POLI: variants seen among roughly 807,000 people sequenced by gnomAD.
POLI encodes RAD30 homolog B.
A neutral mutation model predicts 51.6 loss-of-function variants in POLI; 58 were observed. The ratio of observed to expected loss-of-function variants is 1.12; its 90% CI spans 0.91 to 1.40. The LOEUF is 1.40. Ranked by LOEUF, POLI falls within the 40% of genes most tolerant of loss-of-function variation. POLI has a pLI of 0.00. For synonymous variants in POLI, 322 were observed against 299.7 expected, an observed-to-expected ratio of 1.07 and a Z score of -0.77; for missense variants, 921 against 871.3, an observed-to-expected ratio of 1.06 and a Z score of -0.72.
At chr18:54,311,911 CA>C (rs1218810721) in intron 3 of POLI, among the ~76,000 whole-genome samples, 4 of 152,320 alleles carry the variant, frequency 2.6e-5, no homozygotes, top group African/African-American at 7.2e-5. Flanking sequence ...TAGGGCATCA[CA>C]TTTAGATTTA....
chr18:54,275,666 A>C (rs2087208945), intron 3 of POLI, among the ~76,000 whole-genome samples: 2 of 152,198 alleles, frequency 1.3e-5, no homozygotes, highest in South Asian at 4.1e-4. Flanking sequence ...TTTGATTTGC[A>C]GTTTTCCATG....
Position 54,295,184 on chromosome 18 carries a change from G to T in POLI, c.*717G>T. On this transcript the variant is annotated 3_prime_UTR_variant, in exon 10 of 10. Coordinates refer to ENST00000579534, the MANE Select transcript of POLI (RefSeq NM_007195.3). ...TAAGGGAAAGATGGACACCAGAAAGGCAAGGTGATGGGCCTATAAGCATAC... is the reference window on the plus strand; with the variant it reads ...TAAGGGAAAGATGGACACCAGAAAGTCAAGGTGATGGGCCTATAAGCATAC... 1.0e-6 allele frequency: 1 copy of T among 985,388 alleles called. No homozygotes were observed. Among genetic ancestry groups the T allele is most frequent in the Non-Finnish European group, 1.2e-6 (1 of 829,926 alleles). 61.0% of individuals were successfully genotyped at this position (985,388 alleles called of 1,614,324 possible). A position where few individuals can be genotyped will look rare whatever the true frequency, so the allele number is the denominator to read the frequency against.
chr18:54,294,586 A>G lies in POLI; in HGVS notation c.*119A>G, dbSNP rs952974795. 8.4e-5 allele frequency: 112 copies of G among 1,335,578 alleles called. No individual in the cohort carries two copies. Among genetic ancestry groups the G allele is most frequent in the Non-Finnish European group, 8.1e-5 (85 of 1,047,496 alleles). The allele number at this position is 1,335,578 out of a possible 1,614,324, so 82.7% of individuals were successfully genotyped here. ...ATTCAATAACGGAGTAAACTGTTCC[A>G]GATAAAGCAAGAATAGTTGCAAGAA... On this transcript the variant is annotated 3_prime_UTR_variant, in exon 10 of 10. Coordinates refer to ENST00000579534, the MANE Select transcript of POLI (RefSeq NM_007195.3).
intron 3 of POLI, among the ~76,000 whole-genome samples, chr18:54,312,389 T>C (rs931926000): frequency 3.9e-5 from 6 of 152,134 alleles, no homozygotes; most frequent in Admixed American, 1.3e-4. Context: ...GGTGTTCATA[T>C]GTCTTTGCTC....
At chr18:54,280,099 C>T (rs1460324774) in intron 4 of POLI, among the ~76,000 whole-genome samples, 1 of 152,156 alleles carries the variant, frequency 6.6e-6, no homozygotes, top group East Asian at 1.9e-4. Flanking sequence ...AGAGATTAGT[C>T]AAGTGGATAA....
At chr18:54,302,632 T>A (rs1389483067), downstream of POLI, among the ~76,000 whole-genome samples, 1 of 152,210 alleles carries the variant, frequency 6.6e-6, no homozygotes, top group East Asian at 1.9e-4. Context: ...AATCAACTTA[T>A]AATCTTTTAG....
intron 3 of POLI, among the ~76,000 whole-genome samples, chr18:54,304,265 G>C (rs1028303685): frequency 6.6e-6 from 1 of 152,090 alleles, no homozygotes; most frequent in Admixed American, 6.5e-5. Context: ...TAATCCTTTG[G>C]ATATATACCC....
At chr18:54,308,724 A>G (rs565052311) in intron 3 of POLI, among the ~76,000 whole-genome samples, 1 of 152,178 alleles carries the variant, frequency 6.6e-6, no homozygotes, top group South Asian at 2.1e-4. Flanking sequence ...ACACCAATCA[A>G]ATGTAGATTT....
At chr18:54,303,265 T>C (rs1220556739) in intron 3 of POLI, among the ~76,000 whole-genome samples, 1 of 152,182 alleles carries the variant, frequency 6.6e-6, no homozygotes, top group African/African-American at 2.4e-5. Flanking sequence ...AATTCACCCC[T>C]TTCTGCCTAA....
At chr18:54,316,428 A>T (rs1347280459) in intron 3 of POLI, among the ~76,000 whole-genome samples, 1 of 152,222 alleles carries the variant, frequency 6.6e-6, no homozygotes, top group East Asian at 1.9e-4. Context: ...ATAATTGAAG[A>T]TTGTGAAGCT....
Position 54,282,979 on chromosome 18 carries a change from G to T in POLI, c.939G>T (p.Glu313Asp). 1 of 1,610,544 alleles carries T rather than the reference G, an allele frequency of 6.2e-7. No individual in the cohort carries two copies. The highest frequency in any genetic ancestry group is 8.5e-7 in the Non-Finnish European group (1 of 1,178,018). Residue 313 changes from glutamate to aspartate, a missense_variant, in exon 6 of 10, where the codon GAG becomes GAT. Coordinates refer to ENST00000579534, the MANE Select transcript of POLI (RefSeq NM_007195.3). ...GTATCCAAAAGCTCAGTTTTGGAGAGGATAACTCCCCTGTGATACTCTCAG... is the reference window on the plus strand; with the variant it reads ...GTATCCAAAAGCTCAGTTTTGGAGATGATAACTCCCCTGTGATACTCTCAG... ...AQRIQKLSFGEDNSPVILSGP... is the reference protein window; with the variant it reads ...AQRIQKLSFGDDNSPVILSGP...
chr18:54,316,809 T>G (rs1382372298), intron 3 of POLI, among the ~76,000 whole-genome samples: 2 of 152,190 alleles, frequency 1.3e-5, no homozygotes, highest in Non-Finnish European at 2.9e-5. Context: ...CTTATGAACT[T>G]TTGGCTTAGA....
At position 54,287,416 on chromosome 18, in the gene POLI, G is replaced by T; in HGVS notation, c.1198+5G>T. ...TAATTCAGAAATTAGGGACAGGTATGGACTAGTTTTCCAACAGTTTCATTA... is the reference window on the plus strand; with the variant it reads ...TAATTCAGAAATTAGGGACAGGTATTGACTAGTTTTCCAACAGTTTCATTA... On this transcript the variant is annotated splice_donor_5th_base_variant and intron_variant, in intron 8 of 9. Transcript: ENST00000579534. The T allele has an allele frequency of 6.2e-7, 1 of 1,605,334 alleles. No homozygotes were observed. The highest frequency in any genetic ancestry group is 1.3e-5 in the African/African-American group (1 of 74,864).
intron 3 of POLI, among the ~76,000 whole-genome samples, chr18:54,311,893 C>A (rs2088674577): frequency 6.6e-6 from 1 of 152,194 alleles, no homozygotes; most frequent in Non-Finnish European, 1.5e-5. Flanking sequence ...TGATTCTAGC[C>A]ATAAAAATAG....
Position 54,269,516 on chromosome 18 carries a change from CG to C in POLI, c.-29del. 6.6e-7 allele frequency: 1 copy of C among 1,503,828 alleles called. No homozygotes were observed. The allele number at this position is 1,503,828 out of a possible 1,614,324, so 93.2% of individuals were successfully genotyped here. A position where few individuals can be genotyped will look rare whatever the true frequency, so the allele number is the denominator to read the frequency against. Reference sequence around the variant, plus strand: ...TCCCTGGAGACCAGGCGGAAGCGGCCGGAAGTAGCGCTGCGGTTGGCAGCGG... The same window carrying C: ...TCCCTGGAGACCAGGCGGAAGCGGCCGAAGTAGCGCTGCGGTTGGCAGCGG... On this transcript the variant is annotated 5_prime_UTR_variant, in exon 1 of 10. Transcript: ENST00000579534.
chr18:54,297,970 C>G lies in POLI; in HGVS notation c.*3503C>G, dbSNP rs1348700534. On this transcript the variant is annotated 3_prime_UTR_variant, in exon 10 of 10. Transcript: ENST00000579534. ...AGCTGTAGATTTAGAACTGACATCT[C>G]TTGAGCTGTTCTAAGATAATATCTT... The G allele has an allele frequency of 2.0e-6, 2 of 981,282 alleles. No individual in the cohort carries two copies. The highest frequency in any genetic ancestry group is 2.4e-6 in the Non-Finnish European group (2 of 826,230). 60.8% of individuals were successfully genotyped at this position (981,282 alleles called of 1,614,324 possible). A position where few individuals can be genotyped will look rare whatever the true frequency, so the allele number is the denominator to read the frequency against.
intron 4 of POLI, 128 bp from the exon 5 acceptor site, chr18:54,280,539 A>G (rs1331718567): frequency 4.7e-6 from 3 of 641,106 alleles, no homozygotes; most frequent in Non-Finnish European, 8.3e-6. Context: ...ATACCAGGTG[A>G]TGATGGTGGT....
Position 54,293,801 on chromosome 18 carries a change from A to T in POLI, c.1557A>T (p.Pro519=). Residue 519 remains proline, a synonymous_variant, in exon 10 of 10, where the codon CCA becomes CCT. Transcript: ENST00000579534. ...FSKEKDINEF[P]LCSLPEGVDQ... is the part of the protein sequence containing the mutation. ...AAGAAAAAGACATTAATGAATTCCC[A>T]CTCTGTTCACTTCCTGAAGGTGTTG... 6.2e-7 allele frequency: 1 copy of T among 1,607,592 alleles called. No individual in the cohort carries two copies. The highest frequency in any genetic ancestry group is 1.3e-5 in the African/African-American group (1 of 74,902).
chr18:54,298,040 T>G lies in POLI; in HGVS notation c.*3573T>G. The G allele has an allele frequency of 1.0e-6, 1 of 968,230 alleles. No individual in the cohort carries two copies. Among genetic ancestry groups the G allele is most frequent in the Middle Eastern group, 5.3e-4 (1 of 1,886 alleles). The allele number at this position is 968,230 out of a possible 1,614,324, so 60.0% of individuals were successfully genotyped here. Reference sequence around the variant, plus strand: ...TTTTTATTATATGTCTAGCTATAGATTTATCATGGATTTAGGTTCATTATG... The same window carrying G: ...TTTTTATTATATGTCTAGCTATAGAGTTATCATGGATTTAGGTTCATTATG... On this transcript the variant is annotated 3_prime_UTR_variant, in exon 10 of 10. Transcript: ENST00000579534.
Sources: allele counts gnomAD v4.1 joint callset (sites outside exome capture counted in the v4.1 genomes callset), GRCh38; gene constraint gnomAD v4.1.1; transcripts MANE v1.5; gene names NCBI Gene and HGNC (gene_info 2026-07-23, HGNC 2026-07-21).